Variants in TAF1D observed in about 807,000 individuals in gnomAD.
TAF1D encodes TATA-box binding protein associated factor, RNA polymerase I subunit D.
Under a neutral mutation model 26.2 loss-of-function variants are expected in TAF1D, and 23 were observed. The observed-to-expected ratio is 0.88, with a 90% CI of 0.63 to 1.25. The LOEUF is 1.25. Ranked by LOEUF, TAF1D falls within the 50% of genes most tolerant of loss-of-function variation. The probability of loss-of-function intolerance (pLI) is 0.00; values close to 1 mark genes in which losing one functional copy is unlikely to be tolerated. For missense variants in TAF1D, 299 were observed against 322.0 expected (o/e 0.93, Z 0.55); for synonymous variants, 100 against 105.6 (o/e 0.95, Z 0.33).
At chr11:93,732,010 T>C, downstream of TAF1D, 1 of 516,922 alleles carries the variant, frequency 1.9e-6, no homozygotes, top group South Asian at 1.4e-5. Flanking sequence ...AGCAAAATGT[T>C]ACAGGTCTCA....
In TAF1D at chr11:93,738,394, A is replaced by G; in HGVS notation, c.174T>C (p.Ser58=). 1 of 1,613,936 alleles carries G rather than the reference A, an allele frequency of 6.2e-7. No individual in the cohort carries two copies. The highest frequency in any genetic ancestry group is 8.5e-7 in the Non-Finnish European group (1 of 1,179,982). ...PIRKFVRTPE[S]VHASDSSSDS... is the part of the protein sequence containing the mutation. ...CACTTGATGAATCACTTGCGTGAACACTTTCAGGTGTACGAACAAATTTTC... is the reference window on the plus strand; with the variant it reads ...CACTTGATGAATCACTTGCGTGAACGCTTTCAGGTGTACGAACAAATTTTC... Residue 58 remains serine, a synonymous_variant, in exon 3 of 6, where the codon AGT becomes AGC. Transcript: ENST00000448108.
chr11:93,740,553 G>A (rs1309147960), intron 1 of TAF1D, among the ~76,000 whole-genome samples: 1 of 149,550 alleles, frequency 6.7e-6, no homozygotes, highest in Non-Finnish European at 1.5e-5. Context: ...GTAGCTTCTT[G>A]GGACCTGACA....
At chr11:93,732,319 TTA>T, downstream of TAF1D, 1 of 515,150 alleles carries the variant, frequency 1.9e-6, no homozygotes, top group South Asian at 1.4e-5. Flanking sequence ...GCTTACTATT[TTA>T]GAGTATATCA....
chr11:93,734,293 T>C (rs1398130310), downstream of TAF1D: 1 of 209,156 alleles, frequency 4.8e-6, no homozygotes, highest in African/African-American at 2.3e-5. Flanking sequence ...TCTTTTATTA[T>C]ACTATATTTT....
In TAF1D at chr11:93,735,625, G is replaced by A. The variant is rs979114310; in HGVS notation, c.*536C>T. The A allele has an allele frequency of 4.7e-5, 43 of 919,290 alleles. No individual in the cohort carries two copies. The South Asian group carries it at 5.5e-4, about 12-fold the overall frequency. 56.9% of individuals were successfully genotyped at this position (919,290 alleles called of 1,614,324 possible). On this transcript the variant is annotated 3_prime_UTR_variant, in exon 6 of 6. Coordinates refer to ENST00000448108, the MANE Select transcript of TAF1D (RefSeq NM_024116.4). ...GGAGGTTGCAGTAAGCCAAGACTGC[G>A]GCCATTGCACTACAGCCTGGGTGAC...
chr11:93,733,680 A>T, downstream of TAF1D: 1 of 468,394 alleles, frequency 2.1e-6, no homozygotes, highest in South Asian at 1.6e-5. Context: ...TTGCTGAATC[A>T]CTTGAGCCCA....
intron 1 of TAF1D, among the ~76,000 whole-genome samples, chr11:93,741,030 T>C (rs368188948): frequency 2.8e-4 from 43 of 152,336 alleles, no homozygotes; most frequent in African/African-American, 9.6e-4. Context: ...GTACCTCACA[T>C]ACGAAGGTTA....
downstream of TAF1D, chr11:93,734,421 G>A (rs1940216044): frequency 3.3e-6 from 1 of 300,820 alleles, no homozygotes; most frequent in Non-Finnish European, 6.6e-6. Flanking sequence ...AACAAATTCA[G>A]GACCCTCTAA....
chr11:93,736,794 T>C (rs373510012), intron 4 of TAF1D, 43 bp from the exon 5 acceptor site: 166 of 1,577,262 alleles, frequency 1.1e-4, no homozygotes, highest in Admixed American at 1.8e-4. Flanking sequence ...GAATCTTCGA[T>C]GACCTAATTA....
At chr11:93,737,932 T>TA (rs750271542) in intron 3 of TAF1D, among the ~76,000 whole-genome samples, 177 bp downstream of exon 3, 4 of 152,224 alleles carry the variant, frequency 2.6e-5, no homozygotes, top group Non-Finnish European at 5.9e-5. Context: ...TATTAAGAGA[T>TA]ACAAGTCAAG....
intron 3 of TAF1D, among the ~76,000 whole-genome samples, chr11:93,737,826 A>T (rs2135508443): frequency 6.6e-6 from 1 of 152,304 alleles, no homozygotes; most frequent in East Asian, 1.9e-4. Flanking sequence ...ACTGAGTTTT[A>T]GGGTTGTGTT....
downstream of TAF1D, chr11:93,733,757 A>G (rs762835102): frequency 2.7e-5 from 8 of 296,040 alleles, no homozygotes; most frequent in African/African-American, 1.6e-4. Flanking sequence ...CGCTGGGCTC[A>G]AGTGTTTCTC....
At chr11:93,739,183 T>C (rs200115689) in intron 2 of TAF1D, 54 bp downstream of exon 2, 14 of 1,377,988 alleles carry the variant, frequency 1.0e-5, no homozygotes, top group Admixed American at 2.0e-5. Flanking sequence ...TCACTCATTA[T>C]ATACAATAGT....
chr11:93,740,289 C>A (rs10831097), intron 1 of TAF1D, among the ~76,000 whole-genome samples: 1 of 151,804 alleles, frequency 6.6e-6, no homozygotes, highest in African/African-American at 2.4e-5. Flanking sequence ...ACAAAAAATT[C>A]TTAAAATACT....
In TAF1D at chr11:93,736,057, GAA is replaced by G. The variant is rs1940697999; in HGVS notation, c.*102_*103del. ...TCTTGTTATAAAGTTCTGGGTTTCA[GAA>G]TTTCTTCACCACCAGACTGGTACAT... On this transcript the variant is annotated 3_prime_UTR_variant, in exon 6 of 6. Transcript: ENST00000448108. The G allele has an allele frequency of 6.7e-7, 1 of 1,484,628 alleles. No homozygotes were observed. The highest frequency in any genetic ancestry group is 1.7e-5 in the African/African-American group (1 of 60,094). The allele number at this position is 1,484,628 out of a possible 1,614,324, so 92.0% of individuals were successfully genotyped here. A position where few individuals can be genotyped will look rare whatever the true frequency, so the allele number is the denominator to read the frequency against.
intron 1 of TAF1D, among the ~76,000 whole-genome samples, chr11:93,740,514 A>G (rs768339920): frequency 6.0e-5 from 9 of 149,268 alleles, no homozygotes; most frequent in South Asian, 2.1e-4. Flanking sequence ...ATTATTGTAC[A>G]TGCCTTAGTC....
At chr11:93,730,738 A>G (rs988771951), downstream of TAF1D, 2 of 476,958 alleles carry the variant, frequency 4.2e-6, no homozygotes, top group Non-Finnish European at 4.1e-6. Context: ...ATAAAAGTAA[A>G]TTTTACATTT....
chr11:93,730,476 T>C lies in TAF1D; in HGVS notation c.*975A>G. 5.4e-6 allele frequency: 4 copies of C among 747,378 alleles called. No homozygotes were observed. In the East Asian group the frequency reaches 9.9e-5, roughly 18 times the overall value. The allele number at this position is 747,378 out of a possible 1,614,324, so 46.3% of individuals were successfully genotyped here. A position where few individuals can be genotyped will look rare whatever the true frequency, so the allele number is the denominator to read the frequency against. ...AAGAAGAGAAATTTTGATTAACCTT[T>C]AAAACTCTCACATGGCAACAATCCT... On this transcript the variant is annotated 3_prime_UTR_variant and NMD_transcript_variant, in exon 12 of 12. Transcript: ENST00000323981.
chr11:93,732,151 G>A, downstream of TAF1D: 2 of 517,012 alleles, frequency 3.9e-6, no homozygotes, highest in Non-Finnish European at 7.7e-6. Context: ...AGTCTTTAAA[G>A]CTTAGTAGTG....
Sources: gnomAD v4.1 joint callset for allele counts (sites outside exome capture counted in the v4.1 genomes callset) on GRCh38, gnomAD v4.1.1 for gene constraint, MANE v1.5 for transcripts, NCBI Gene and HGNC (gene_info 2026-07-23, HGNC 2026-07-21) for gene names.